VWF: variants seen among roughly 807,000 people sequenced by gnomAD.
VWF encodes the protein von Willebrand factor, also known as Factor VIII related antigen.
Under a neutral mutation model 308.6 loss-of-function variants are expected in VWF, and 176 were observed. That is an observed-to-expected ratio of 0.57 (90% CI 0.50 to 0.65). VWF has a LOEUF of 0.65. Among genes scored for constraint, VWF ranks in the 30% least tolerant of loss-of-function variants. The pLI, the probability that VWF is intolerant of heterozygous loss-of-function variation, is 0.00. For missense variants in VWF, 3,146 were observed against 3,648.2 expected (o/e 0.86, Z 3.55); for synonymous variants, 1,385 against 1,443.4 (o/e 0.96, Z 0.92).
chr12:5,969,156 A>C, intron 45 of VWF, 55 bp downstream of exon 45: 2 of 1,564,372 alleles, frequency 1.3e-6, no homozygotes, highest in Non-Finnish European at 1.7e-6. Flanking sequence ...AAAAGTGGAA[A>C]GAGAGGCTTA....
intron 6 of VWF, among the ~76,000 whole-genome samples, chr12:6,089,188 A>G (rs1303320200): frequency 1.3e-5 from 2 of 152,224 alleles, no homozygotes; most frequent in African/African-American, 2.4e-5. Flanking sequence ...GCTGTGAACA[A>G]TTCAAAAGGC....
chr12:6,092,628 T>TGAGTGTGA (rs1565386731), intron 6 of VWF, among the ~76,000 whole-genome samples: 1 of 80,192 alleles, frequency 1.2e-5, no homozygotes, highest in African/African-American at 7.6e-5. Flanking sequence ...AGTGTGTGTG[T>TGAGTGTGA]GTGTGTGTGT....
chr12:6,061,295 G>A (rs1348628754), intron 13 of VWF, among the ~76,000 whole-genome samples: 12 of 152,066 alleles, frequency 7.9e-5, no homozygotes, highest in Non-Finnish European at 1.8e-4. Flanking sequence ...CAGGAACCAG[G>A]AGACCCGAGT....
rs141990425 is a variant in VWF at position 6,019,196 on chromosome 12, T to C, written c.4222A>G (p.Lys1408Glu). The change falls in exon 28 of 52, where the codon AAG becomes GAG. Residue 1408 changes from lysine to glutamate, a missense_variant. Lys to Glu is a moderately conservative substitution (Grantham distance 56). Transcript: ENST00000261405. This position sits in a 1 kb window ranked among gnomAD's most constrained non-coding sequence, Gnocchi z 5.8. Reference protein sequence around the residue: ...VRYVQGLKKKKVIVIPVGIGP... With the variant: ...VRYVQGLKKKEVIVIPVGIGP... ...ATGCCCACCGGGATCACAATGACCT[T>C]CTTCTTCTTCAGGCCCTGGACGTAG... 2 of 1,613,790 alleles carry C rather than the reference T, an allele frequency of 1.2e-6. No homozygotes were observed. The highest frequency in any genetic ancestry group is 1.7e-6 in the Non-Finnish European group (2 of 1,179,800).
In VWF at chr12:6,052,650, G is replaced by C. The variant is rs776879238; in HGVS notation, c.2079C>G (p.Leu693=). The C allele has an allele frequency of 3.7e-6, 6 of 1,614,122 alleles. No homozygotes were observed. In the East Asian group the frequency reaches 1.1e-4, roughly 30 times the overall value. ...CGCAGTCCCCCCTCTCATCCATGTAGAGCCCTGGGGGGCAGAAGCAGCCCT... is the reference window on the plus strand; with the variant it reads ...CGCAGTCCCCCCTCTCATCCATGTACAGCCCTGGGGGGCAGAAGCAGCCCT... ...CLEGCFCPPG[L]YMDERGDCVP... The change falls in exon 16 of 52, where the codon CTC becomes CTG. Residue 693 remains leucine (L), a synonymous_variant. Transcript: ENST00000261405.
rs1027764252 is a variant in VWF, at chr12:6,045,888, G to T, written c.2281+835C>A. 2.6e-4 allele frequency among the ~76,000 whole-genome samples: 39 copies of T among 152,178 alleles called. 1 individual carries two copies. Among genetic ancestry groups the T allele is most frequent in the African/African-American group, 9.4e-4 (39 of 41,438 alleles). On this transcript the variant is annotated intron_variant, in intron 17 of 51. Coordinates refer to ENST00000261405, the MANE Select transcript of VWF (RefSeq NM_000552.5). Reference sequence around the variant, plus strand: ...CATAAATGTAAATGTGAAACCCCCAGTACCAGGTCAGCCCCTTCTCCCTTC... The same window carrying T: ...CATAAATGTAAATGTGAAACCCCCATTACCAGGTCAGCCCCTTCTCCCTTC...
Position 6,020,262 on chromosome 12 carries a change from C to T in VWF, c.3675-519G>A, listed in dbSNP as rs1038190210. On this transcript the variant is annotated intron_variant, in intron 27 of 51. Transcript: ENST00000261405. The surrounding 1 kb of genome is among the most constrained non-coding windows in gnomAD (Gnocchi z 4.3). ...TTTAAAACATGTTTGATATGTTGGG[C>T]CCTAACGAAGAGAGAAAAAATTGGA... 4.6e-5 allele frequency among the ~76,000 whole-genome samples: 7 copies of T among 152,150 alleles called. No homozygotes were observed. Among genetic ancestry groups the T allele is most frequent in the Admixed American group, 4.6e-4 (7 of 15,282 alleles).
At chr12:6,109,347 CAT>C (rs1268553628) in intron 5 of VWF, among the ~76,000 whole-genome samples, 4 of 151,822 alleles carry the variant, frequency 2.6e-5, no homozygotes, top group Non-Finnish European at 2.9e-5. Context: ...AACACACACA[CAT>C]ATATAGAGTG....
chr12:6,016,841 G>T lies in VWF; in HGVS notation c.5083C>A (p.Leu1695Ile), dbSNP rs1272874836. The change falls in exon 29 of 52, where the codon CTC becomes ATC. Residue 1695 changes from leucine (L) to isoleucine (I), a missense_variant. Physicochemically the swap from Leu to Ile is conservative, Grantham distance 5. Around this residue, in one of 3 missense-constraint regions of VWF, gnomAD observed 853 missense variants for 1,177.8 expected, o/e 0.72. Coordinates refer to ENST00000261405, the MANE Select transcript of VWF (RefSeq NM_000552.5). ...GGGAAACTGGAGGAGCCATCCAGGA[G>T]AAGGATCACGTCCAGGGGCTGGCTG... ...DCSQPLDVIL[L>I]LDGSSSFPAS... The T allele has an allele frequency of 5.6e-6, 9 of 1,613,992 alleles. No homozygotes were observed. The highest frequency in any genetic ancestry group is 7.6e-6 in the Non-Finnish European group (9 of 1,180,038).
At chr12:6,001,694 A>C (rs373860520) in intron 34 of VWF, among the ~76,000 whole-genome samples, 135 of 152,314 alleles carry the variant, frequency 8.9e-4, no homozygotes, top group African/African-American at 3.1e-3. Context: ...AAATGGGGAA[A>C]AGGTAAGTAA....
chr12:5,993,664 T>TAC lies in VWF; in HGVS notation c.6598+196_6598+197dup, dbSNP rs200279604. On this transcript the variant is annotated intron_variant, in intron 37 of 51. Transcript: ENST00000261405. Reference sequence around the variant, plus strand: ...GTGTGTGTGTGTATATATATATATATACACACACACACATATACATATATG... The same window carrying TAC: ...GTGTGTGTGTGTATATATATATATATACACACACACACACATATACATATATG... Among the ~76,000 whole-genome samples, 432 of 144,150 alleles carry TAC rather than the reference T, an allele frequency of 3.0e-3. 2 individuals carry two copies. Among genetic ancestry groups the TAC allele is most frequent in the Admixed American group, 9.2e-3 (131 of 14,302 alleles). 94.6% of individuals were successfully genotyped at this position (144,150 alleles called of 152,430 possible).
chr12:6,061,874 A>T (rs1944658360), intron 13 of VWF, among the ~76,000 whole-genome samples: 1 of 152,250 alleles, frequency 6.6e-6, no homozygotes, highest in African/African-American at 2.4e-5. Context: ...AAAAGATTGA[A>T]TGCAGCAGTA....
chr12:6,100,321 G>C (rs1202775778), intron 5 of VWF, among the ~76,000 whole-genome samples: 2 of 148,220 alleles, frequency 1.3e-5, no homozygotes, highest in African/African-American at 5.2e-5. Flanking sequence ...AACCATTGTG[G>C]AAGTCAGTGT....
intron 38 of VWF, among the ~76,000 whole-genome samples, chr12:5,991,564 AAC>A (rs1943743365): frequency 6.6e-6 from 1 of 152,240 alleles, no homozygotes; most frequent in Non-Finnish European, 1.5e-5. Context: ...CAATAGTAAT[AAC>A]AATCATAATA....
At chr12:5,975,329 A>G (rs1943521513) in intron 43 of VWF, among the ~76,000 whole-genome samples, 1 of 152,264 alleles carries the variant, frequency 6.6e-6, no homozygotes, top group South Asian at 2.1e-4. Context: ...TTCTCTTAAC[A>G]TCATTATCTG....
intron 47 of VWF, among the ~76,000 whole-genome samples, chr12:5,956,179 C>T (rs1943248320): frequency 6.6e-6 from 1 of 152,160 alleles, no homozygotes; most frequent in South Asian, 2.1e-4. Context: ...TACTGTGCTG[C>T]CAGTCATGTA....
chr12:5,964,300 A>ATACATACATACATGCATAC (rs1267334614), intron 47 of VWF, among the ~76,000 whole-genome samples: 1 of 151,986 alleles, frequency 6.6e-6, no homozygotes, highest in Non-Finnish European at 1.5e-5. Flanking sequence ...ACATACATAC[A>ATACATACATACATGCATAC]AAAAGCTACC....
rs1944642386 is a variant in VWF, at chr12:6,060,444, C to T, written c.1534-2400G>A. 6.6e-6 allele frequency among the ~76,000 whole-genome samples: 1 copy of T among 152,114 alleles called. No homozygotes were observed. Among genetic ancestry groups the T allele is most frequent in the Admixed American group, 6.5e-5 (1 of 15,282 alleles). On this transcript the variant is annotated intron_variant, in intron 13 of 51. Transcript: ENST00000261405. This position sits in a 1 kb window ranked among gnomAD's most constrained non-coding sequence, Gnocchi z 5.1. Reference sequence around the variant, plus strand: ...CCCCAGCTGGCCTCCCTCCAGCTCTCGCCTCCACACTTCCATCCCCAAAAG... The same window carrying T: ...CCCCAGCTGGCCTCCCTCCAGCTCTTGCCTCCACACTTCCATCCCCAAAAG...
chr12:6,059,902 G>A (rs548337967), intron 13 of VWF, among the ~76,000 whole-genome samples: 1 of 152,344 alleles, frequency 6.6e-6, no homozygotes, highest in Admixed American at 6.5e-5. Flanking sequence ...CCTGGGCAAG[G>A]CGGCATAACT....
Sources: allele counts gnomAD v4.1 joint callset (sites outside exome capture counted in the v4.1 genomes callset), GRCh38; gene constraint gnomAD v4.1.1; regional missense constraint gnomAD v4.1.1; non-coding constraint Gnocchi (gnomAD v3.1); transcripts MANE v1.5; gene names NCBI Gene and HGNC (gene_info 2026-07-23, HGNC 2026-07-21).